DSCAM: variants seen among roughly 807,000 people sequenced by gnomAD.
DSCAM encodes DS cell adhesion molecule, also known as cell adhesion molecule DSCAM.
Under a neutral mutation model 217.7 loss-of-function variants are expected in DSCAM, and 47 were observed. The ratio of observed to expected loss-of-function variants is 0.22; its 90% confidence interval spans 0.17 to 0.28. DSCAM has a LOEUF of 0.28. DSCAM is among the 10% of genes least tolerant of loss of function. The pLI, the probability that DSCAM is intolerant of heterozygous loss-of-function variation, is 1.00. For missense variants in DSCAM, 2,080 were observed against 2,618.3 expected, an observed-to-expected ratio of 0.79 and a Z score of 4.49; for synonymous variants, 1,056 against 1,015.3, an observed-to-expected ratio of 1.04 and a Z score of -0.76.
At chr21:40,599,176 T>TTG in intron 3 of DSCAM, among the ~76,000 whole-genome samples, 1 of 152,328 alleles carries the variant, frequency 6.6e-6, no homozygotes. Flanking sequence ...AATTGTTCAA[T>TTG]TGTGTCTTTT....
At chr21:40,203,118 G>C (rs1299304895) in intron 11 of DSCAM, among the ~76,000 whole-genome samples, 2 of 152,194 alleles carry the variant, frequency 1.3e-5, no homozygotes, top group South Asian at 4.1e-4. Context: ...AGGTAGAGAG[G>C]AGCGGAGCCA....
intron 3 of DSCAM, among the ~76,000 whole-genome samples, chr21:40,448,721 A>G (rs1157590584): frequency 6.6e-6 from 1 of 152,146 alleles, no homozygotes; most frequent in Non-Finnish European, 1.5e-5. Flanking sequence ...TGCAAACAAA[A>G]TCTATTTCTT....
At chr21:40,473,809 G>T (rs994629517) in intron 3 of DSCAM, among the ~76,000 whole-genome samples, 1 of 152,120 alleles carries the variant, frequency 6.6e-6, no homozygotes, top group African/African-American at 2.4e-5. Flanking sequence ...AGACACACAC[G>T]GAGGACAACC....
intron 17 of DSCAM, 83 bp from the exon 18 acceptor site, chr21:40,142,787 A>G: frequency 1.3e-6 from 2 of 1,485,248 alleles, no homozygotes; most frequent in South Asian, 2.7e-5. Context: ...GTATTTTAAT[A>G]TTTCAATATG....
intron 10 of DSCAM, among the ~76,000 whole-genome samples, chr21:40,284,265 G>GT (rs1317093400): frequency 6.6e-6 from 1 of 152,248 alleles, no homozygotes; most frequent in Non-Finnish European, 1.5e-5. Context: ...AGTGGACAGA[G>GT]GTATAGTCCT....
At chr21:40,676,714 T>G (rs1011204941) in intron 3 of DSCAM, among the ~76,000 whole-genome samples, 7 of 152,202 alleles carry the variant, frequency 4.6e-5, no homozygotes, top group Non-Finnish European at 1.0e-4. Flanking sequence ...AATAAATCCT[T>G]GTGGATCATT....
At chr21:40,727,327 C>G (rs2090966074) in intron 1 of DSCAM, among the ~76,000 whole-genome samples, 1 of 152,220 alleles carries the variant, frequency 6.6e-6, no homozygotes, top group African/African-American at 2.4e-5. Context: ...ATTCTTAAAA[C>G]TTCAAGAAGT....
At chr21:40,616,979 T>C (rs946669138) in intron 3 of DSCAM, among the ~76,000 whole-genome samples, 20 of 125,102 alleles carry the variant, frequency 1.6e-4, no homozygotes, top group African/African-American at 6.2e-4. Flanking sequence ...ATCCCGCCAC[T>C]GCACTCCAGC....
chr21:40,450,572 T>A (rs529685578), intron 3 of DSCAM, among the ~76,000 whole-genome samples: 1 of 152,358 alleles, frequency 6.6e-6, no homozygotes, highest in Admixed American at 6.5e-5. Flanking sequence ...ATTTGATGAA[T>A]TGCCCATATT....
intron 32 of DSCAM, among the ~76,000 whole-genome samples, chr21:40,029,837 C>T (rs768286452): frequency 7.2e-5 from 11 of 152,232 alleles, no homozygotes; most frequent in Non-Finnish European, 1.6e-4. Flanking sequence ...CCCTCACTGC[C>T]TGAGGACTTG....
chr21:40,846,570 C>G, intron 1 of DSCAM, 49 bp downstream of exon 1: 1 of 280,022 alleles, frequency 3.6e-6, no homozygotes, highest in South Asian at 4.1e-5. Flanking sequence ...CCCCCGCCCC[C>G]CCGGTCAATG....
chr21:40,633,897 C>T (rs1736742033), intron 3 of DSCAM, among the ~76,000 whole-genome samples: 1 of 152,084 alleles, frequency 6.6e-6, no homozygotes, highest in African/African-American at 2.4e-5. Flanking sequence ...GATTGGGAAG[C>T]CTCCCAGGGA....
rs531656776 is a variant in DSCAM, at chr21:40,612,566, T to C, written c.508+80244A>G. ...ATTGGTGTCTACCCAGCAGAGGTCCTAGGCATCCTGGAGCAGACGGGAGTT... is the reference window on the plus strand; with the variant it reads ...ATTGGTGTCTACCCAGCAGAGGTCCCAGGCATCCTGGAGCAGACGGGAGTT... On this transcript the variant is annotated intron_variant, in intron 3 of 32. Transcript: ENST00000400454. 1.1e-3 allele frequency among the ~76,000 whole-genome samples: 171 copies of C among 152,340 alleles called. 5 individuals are homozygous for C. The South Asian group carries it at 0.033, about 29-fold the overall frequency.
chr21:40,275,983 G>A lies in DSCAM; in HGVS notation c.2356+114C>T, dbSNP rs370051596. The A allele has an allele frequency of 4.2e-4, 471 of 1,110,936 alleles. 6 individuals are homozygous for A. In the South Asian group the frequency reaches 0.011, roughly 26 times the overall value. The allele number at this position is 1,110,936 out of a possible 1,614,324, so 68.8% of individuals were successfully genotyped here. A position where few individuals can be genotyped will look rare whatever the true frequency, so the allele number is the denominator to read the frequency against. ...TTAAACCCAGCTATATCACACCAAC[G>A]GGTCTTCTTTTGTGTTGCTTTTAAA... is the stretch of plus-strand genomic sequence containing the variant. On this transcript the variant is annotated intron_variant, in intron 11 of 32. Coordinates refer to ENST00000400454, the MANE Select transcript of DSCAM (RefSeq NM_001389.5).
intron 15 of DSCAM, among the ~76,000 whole-genome samples, chr21:40,177,242 A>G (rs2090744194): frequency 6.6e-6 from 1 of 152,240 alleles, no homozygotes; most frequent in Admixed American, 6.5e-5. Flanking sequence ...CTTATTTCCC[A>G]CTTATTTCTG....
Position 40,847,116 on chromosome 21 carries a change from T to G in DSCAM, c.-455A>C, listed in dbSNP as rs2092153335. 1 of 152,290 alleles carries G rather than the reference T, an allele frequency of 6.6e-6. No homozygotes were observed. The highest frequency in any genetic ancestry group is 1.5e-5 in the Non-Finnish European group (1 of 68,118). The allele number at this position is 152,290 out of a possible 1,614,324, so 9.4% of individuals were successfully genotyped here. A position where few individuals can be genotyped will look rare whatever the true frequency, so the allele number is the denominator to read the frequency against. On this transcript the variant is annotated 5_prime_UTR_variant, in exon 1 of 33. An upstream start codon of the reference 5' UTR is lost. Coordinates refer to ENST00000400454, the MANE Select transcript of DSCAM (RefSeq NM_001389.5). ...TTGCCGTGCTCCGGCCTCAGTCACA[T>G]GGATCCCTCTGCCAACCTTCCCTGC...
intron 20 of DSCAM, among the ~76,000 whole-genome samples, chr21:40,115,132 C>T (rs918222497): frequency 6.6e-6 from 1 of 152,224 alleles, no homozygotes; most frequent in Admixed American, 6.5e-5. Context: ...TACTGTGGCA[C>T]TATTCACAAT....
chr21:40,222,852 G>A (rs2146906888), intron 11 of DSCAM, among the ~76,000 whole-genome samples: 1 of 152,290 alleles, frequency 6.6e-6, no homozygotes, highest in South Asian at 2.1e-4. Context: ...CAAAAATCTT[G>A]AGAAGTGTCC....
At chr21:40,478,831 T>A (rs2075959125) in intron 3 of DSCAM, among the ~76,000 whole-genome samples, 1 of 152,142 alleles carries the variant, frequency 6.6e-6, no homozygotes, top group Non-Finnish European at 1.5e-5. Context: ...TTTCTATACA[T>A]CCACACCTGT....
Sources: allele counts gnomAD v4.1 joint callset (sites outside exome capture counted in the v4.1 genomes callset), GRCh38; gene constraint gnomAD v4.1.1; transcripts MANE v1.5; gene names NCBI Gene and HGNC (gene_info 2026-07-23, HGNC 2026-07-21).